SYNE2: variants seen among roughly 807,000 people sequenced by gnomAD.
SYNE2 encodes nesprin-2.
Under a neutral mutation model 856.3 loss-of-function variants are expected in SYNE2, and 431 were observed. That is an observed-to-expected ratio of 0.50 (90% confidence interval 0.47 to 0.55). The LOEUF (loss-of-function observed/expected upper bound fraction) is 0.55. SYNE2 is among the 20% of genes least tolerant of loss of function. The pLI, the probability that SYNE2 is intolerant of heterozygous loss-of-function variation, is 0.00. For synonymous variants in SYNE2, 2,923 were observed against 2,872.3 expected (o/e 1.02, Z -0.56); for missense variants, 8,129 against 8,023.2 (o/e 1.01, Z -0.50).
At chr14:64,111,795 C>G (rs1458111918) in intron 65 of SYNE2, among the ~76,000 whole-genome samples, 2 of 151,040 alleles carry the variant, frequency 1.3e-5, no homozygotes, top group Non-Finnish European at 3.0e-5. Context: ...GAAACTCTTC[C>G]CAAGAAGAAA....
intron 1 of SYNE2, among the ~76,000 whole-genome samples, chr14:63,819,454 A>C (rs1228790810): frequency 6.7e-6 from 1 of 149,432 alleles, no homozygotes; most frequent in Non-Finnish European, 1.5e-5. Flanking sequence ...CTGGTCTCGA[A>C]CTCCTGACCT....
intron 61 of SYNE2, 28 bp from the exon 62 acceptor site, chr14:64,097,921 A>T: frequency 6.2e-7 from 1 of 1,613,412 alleles, no homozygotes. Context: ...AGACTTCTCA[A>T]ACCTATGCAA....
intron 96 of SYNE2, among the ~76,000 whole-genome samples, chr14:64,181,522 A>G (rs1342572907): frequency 6.6e-6 from 1 of 152,104 alleles, no homozygotes; most frequent in African/African-American, 2.4e-5. Context: ...TCAGCATCCT[A>G]TTTATCAGTG....
At chr14:63,879,852 G>T (rs2094818174) in intron 1 of SYNE2, among the ~76,000 whole-genome samples, 1 of 152,166 alleles carries the variant, frequency 6.6e-6, no homozygotes, top group Non-Finnish European at 1.5e-5. Context: ...GTTATAGTGG[G>T]GATACTTGGG....
In SYNE2 at chr14:64,218,479, G is replaced by A. The variant is rs746433383; in HGVS notation, c.19624G>A (p.Gly6542Arg). 3.7e-6 allele frequency: 6 copies of A among 1,614,010 alleles called. No individual in the cohort carries two copies. The highest frequency in any genetic ancestry group is 3.3e-5 in the South Asian group (3 of 91,064). The change falls in exon 109 of 116, where the codon GGG becomes AGG. Residue 6542 changes from glycine to arginine, a missense_variant. Around this residue, in one of 3 missense-constraint regions of SYNE2, gnomAD observed 5,410 missense variants for 5,284.8 expected, o/e 1.02. Coordinates refer to ENST00000555002, the MANE Select transcript of SYNE2 (RefSeq NM_182914.3). ...GAATGGCAACCCACAGCAGGAAGAC[G>A]GGGGACTGGCCGGTATCACAGAGCA... is the stretch of plus-strand genomic sequence containing the variant. ...VLNGNPQQED[G>R]GLAGITEQQS...
chr14:64,030,905 A>C (rs1285092779), intron 44 of SYNE2, 111 bp from the exon 45 acceptor site: 3 of 860,302 alleles, frequency 3.5e-6, no homozygotes, highest in Non-Finnish European at 5.6e-6. Context: ...ATGAGTTGTT[A>C]AGTTTTTAAA....
chr14:64,063,822 A>G (rs966063215), intron 50 of SYNE2, among the ~76,000 whole-genome samples: 2 of 152,370 alleles, frequency 1.3e-5, no homozygotes, highest in Middle Eastern at 3.4e-3. Context: ...CAAAATGTAC[A>G]GTAGTCCCCC....
At chr14:63,882,500 C>T (rs536630697) in intron 1 of SYNE2, among the ~76,000 whole-genome samples, 23 of 151,560 alleles carry the variant, frequency 1.5e-4, no homozygotes, top group Non-Finnish European at 3.2e-4. Context: ...AGGATCACTT[C>T]AGTCCAGGAG....
chr14:63,938,177 C>G (rs1475091563), intron 2 of SYNE2, among the ~76,000 whole-genome samples: 1 of 152,096 alleles, frequency 6.6e-6, no homozygotes, highest in African/African-American at 2.4e-5. Context: ...AAGAATAAGG[C>G]CAGGTGTGAT....
rs753956051 is a variant in SYNE2, at chr14:64,140,020, C to T, written c.14923C>T (p.Leu4975Phe). Residue 4975 changes from leucine (L) to phenylalanine (F), a missense_variant, in exon 80 of 116, where the codon CTC becomes TTC. Leu to Phe is a conservative substitution (Grantham distance 22). Transcript: ENST00000555002. The part of the protein sequence containing the change: ...HTLNYWKEQS[L>F]NVSQDLDTIR... ...TCTGAATTACTGGAAAGAACAGTCC[C>T]TCAATGTGTCTCAGGACTTGGATAC... 3.7e-6 allele frequency: 6 copies of T among 1,613,978 alleles called. No individual in the cohort carries two copies. Among genetic ancestry groups the T allele is most frequent in the South Asian group, 2.2e-5 (2 of 91,084 alleles).
At chr14:63,986,913 G>C (rs901397691) in intron 19 of SYNE2, among the ~76,000 whole-genome samples, 6 of 152,130 alleles carry the variant, frequency 3.9e-5, no homozygotes, top group Non-Finnish European at 8.8e-5. Context: ...ATGAGGAGAC[G>C]AGTGAGTTCA....
intron 8 of SYNE2, among the ~76,000 whole-genome samples, chr14:63,957,343 A>T (rs2096253856): frequency 7.0e-6 from 1 of 142,398 alleles, no homozygotes; most frequent in Non-Finnish European, 1.5e-5. Flanking sequence ...ATCTTGGCTC[A>T]CCGCAGCTTC....
intron 79 of SYNE2, among the ~76,000 whole-genome samples, chr14:64,139,276 C>A (rs2098121954): frequency 6.6e-6 from 1 of 151,696 alleles, no homozygotes; most frequent in African/African-American, 2.4e-5. Flanking sequence ...AGCCACTGTG[C>A]CTGACCTATA....
chr14:64,076,078 C>T lies in SYNE2; in HGVS notation c.11000C>T (p.Ala3667Val), dbSNP rs2097456150. Reference sequence around the variant, plus strand: ...TCCCAGGTGGAAGAATGCAGAAAAGCTTTAGAAGACATAGATGAGAAGGTA... The same window carrying T: ...TCCCAGGTGGAAGAATGCAGAAAAGTTTTAGAAGACATAGATGAGAAGGTA... ...IESQVEECRK[A>V]LEDIDEKISN... The change falls in exon 54 of 116, where the codon GCT (alanine) becomes GTT (valine). Residue 3667 changes from alanine (A) to valine (V), a missense_variant. Transcript: ENST00000555002. The T allele has an allele frequency of 6.2e-7, 1 of 1,613,722 alleles. No individual in the cohort carries two copies. The highest frequency in any genetic ancestry group is 1.1e-5 in the South Asian group (1 of 91,074).
chr14:64,214,012 C>A, intron 105 of SYNE2, 182 bp from the exon 106 acceptor site: 2 of 863,028 alleles, frequency 2.3e-6, no homozygotes, highest in Admixed American at 5.8e-5. Context: ...AGGCCCCACT[C>A]CAGATTGTCT....
intron 78 of SYNE2, among the ~76,000 whole-genome samples, chr14:64,136,276 C>T (rs936593319): frequency 5.1e-5 from 6 of 116,600 alleles, no homozygotes; most frequent in African/African-American, 1.5e-4. Context: ...GGTGACAGAG[C>T]GAGACTTCAT....
intron 70 of SYNE2, among the ~76,000 whole-genome samples, chr14:64,123,201 G>A (rs1367194814): frequency 1.3e-5 from 2 of 152,102 alleles, no homozygotes; most frequent in African/African-American, 4.8e-5. Context: ...CGCCTGTGCC[G>A]ATGGCACTGG....
chr14:63,946,513 G>GTA (rs10607624), intron 6 of SYNE2, among the ~76,000 whole-genome samples: 8 of 145,914 alleles, frequency 5.5e-5, no homozygotes, highest in South Asian at 2.1e-4. Flanking sequence ...TCATATATAT[G>GTA]TATATATATG....
At chr14:63,963,152 G>A (rs1312489407) in intron 9 of SYNE2, among the ~76,000 whole-genome samples, 1 of 152,202 alleles carries the variant, frequency 6.6e-6, no homozygotes, top group African/African-American at 2.4e-5. Flanking sequence ...GACTCTGGAA[G>A]AGAGTCTCAA....
Sources: allele counts gnomAD v4.1 joint callset (sites outside exome capture counted in the v4.1 genomes callset), GRCh38; gene constraint gnomAD v4.1.1; regional missense constraint gnomAD v4.1.1; transcripts MANE v1.5; gene names NCBI Gene and HGNC (gene_info 2026-07-23, HGNC 2026-07-21).